UBAP2: variants seen among roughly 807,000 people sequenced by gnomAD.
UBAP2 encodes the protein ubiquitin-associated protein 2.
UBAP2 carries 75 observed loss-of-function variants against 139.6 expected under a neutral mutation model. The ratio of observed to expected loss-of-function variants is 0.54; its 90% CI spans 0.45 to 0.65. The LOEUF is 0.65. Ranked by LOEUF, UBAP2 falls within the 30% of genes least tolerant of loss-of-function variation. The pLI, the probability that UBAP2 is intolerant of heterozygous loss-of-function variation, is 0.00. For missense variants in UBAP2, 1,368 were observed against 1,369.6 expected, an observed-to-expected ratio of 1.00 and a Z score of 0.02; for synonymous variants, 526 against 526.2, an observed-to-expected ratio of 1.00 and a Z score of 0.01.
chr9:33,998,760 T>C, intron 3 of UBAP2, 27 bp downstream of exon 3: 2 of 1,578,704 alleles, frequency 1.3e-6, no homozygotes, highest in Non-Finnish European at 1.7e-6. Flanking sequence ...ATTATAAAAA[T>C]GATGATATCC....
chr9:34,034,716 T>C (rs1278012952), intron 1 of UBAP2, among the ~76,000 whole-genome samples: 1 of 151,792 alleles, frequency 6.6e-6, no homozygotes, highest in Non-Finnish European at 1.5e-5. Context: ...CTACTAAAAA[T>C]ACAAAAATTA....
chr9:34,028,954 A>C (rs535737454), intron 1 of UBAP2, among the ~76,000 whole-genome samples: 1 of 151,976 alleles, frequency 6.6e-6, no homozygotes, highest in Non-Finnish European at 1.5e-5. Flanking sequence ...CTATACAATA[A>C]ATTTTTTTTT....
rs1554679222 is a variant in UBAP2, at chr9:33,923,383, A to G, written c.2892T>C (p.Ser964=). Residue 964 remains serine (S), a synonymous_variant, in exon 25 of 29, where the codon AGT becomes AGC. Transcript: ENST00000379238. ...QASGYGQHGY[S]TGYDDLTQGT... ...TGTCTGGGAAGTACCCCTCACCTGT[A>G]CTGTAGCCGTGCTGGCCATAACCAC... The G allele has an allele frequency of 3.7e-6, 6 of 1,614,114 alleles. No individual in the cohort carries two copies. Among genetic ancestry groups the G allele is most frequent in the Non-Finnish European group, 5.1e-6 (6 of 1,179,996 alleles).
chr9:33,936,523 A>C (rs995997332), intron 16 of UBAP2, among the ~76,000 whole-genome samples: 1 of 151,950 alleles, frequency 6.6e-6, no homozygotes, highest in Non-Finnish European at 1.5e-5. Context: ...CAAACTCCTG[A>C]CCTCAAGTGA....
At chr9:33,959,690 T>G (rs1587565879) in intron 10 of UBAP2, among the ~76,000 whole-genome samples, 1 of 152,180 alleles carries the variant, frequency 6.6e-6, no homozygotes, top group Non-Finnish European at 1.5e-5. Context: ...CAAAAATATC[T>G]GTGCAATAAA....
At chr9:33,928,122 C>A (rs1464355507) in intron 19 of UBAP2, 130 bp from the exon 20 acceptor site, 2 of 948,682 alleles carry the variant, frequency 2.1e-6, no homozygotes, top group Non-Finnish European at 3.1e-6. Context: ...CACCCAGGCT[C>A]CCTTAAGGTG....
intron 8 of UBAP2, among the ~76,000 whole-genome samples, chr9:33,965,481 C>A (rs1413123052): frequency 1.3e-5 from 2 of 152,132 alleles, no homozygotes; most frequent in African/African-American, 4.8e-5. Context: ...TCTTTTATGA[C>A]TCAGGCTTAT....
intron 1 of UBAP2, among the ~76,000 whole-genome samples, chr9:34,026,748 G>A (rs1416415322): frequency 2.0e-5 from 3 of 152,282 alleles, no homozygotes; most frequent in South Asian, 2.1e-4. Context: ...CCATTTTACA[G>A]AGAGGAAACT....
intron 13 of UBAP2, among the ~76,000 whole-genome samples, chr9:33,944,889 C>T (rs1365042210): frequency 6.6e-6 from 1 of 152,046 alleles, no homozygotes; most frequent in Non-Finnish European, 1.5e-5. Context: ...CTCGTGAGAA[C>T]AATATTATGG....
intron 8 of UBAP2, among the ~76,000 whole-genome samples, chr9:33,969,734 C>T (rs1341298189): frequency 6.7e-6 from 1 of 149,454 alleles, no homozygotes; most frequent in East Asian, 2.0e-4. Flanking sequence ...GGCATAGTGC[C>T]GGACACCTGT....
chr9:34,001,658 C>G (rs1822712929), intron 2 of UBAP2, among the ~76,000 whole-genome samples: 1 of 152,142 alleles, frequency 6.6e-6, no homozygotes, highest in African/African-American at 2.4e-5. Context: ...TTCATATAAT[C>G]AATTTTCACA....
chr9:33,930,857 T>C (rs570713100), intron 19 of UBAP2, among the ~76,000 whole-genome samples: 43 of 137,442 alleles, frequency 3.1e-4, no homozygotes, highest in African/African-American at 1.0e-3. Context: ...GATTGCGCCA[T>C]TGCACTCCAG....
intron 6 of UBAP2, among the ~76,000 whole-genome samples, chr9:33,979,262 A>G (rs1339594226): frequency 6.6e-6 from 1 of 152,182 alleles, no homozygotes; most frequent in Non-Finnish European, 1.5e-5. Context: ...ATAGTTCACT[A>G]CCTTACTTGA....
At chr9:33,975,752 A>G (rs1469391310) in intron 6 of UBAP2, among the ~76,000 whole-genome samples, 1 of 151,368 alleles carries the variant, frequency 6.6e-6, no homozygotes, top group African/African-American at 2.4e-5. Context: ...CAGTGAGCCG[A>G]GATCACAACA....
intron 2 of UBAP2, among the ~76,000 whole-genome samples, chr9:34,009,101 T>C (rs1823513709): frequency 6.8e-6 from 1 of 147,678 alleles, no homozygotes; most frequent in Non-Finnish European, 1.5e-5. Context: ...TTTGGTGTTT[T>C]GTTTTGTTTT....
rs117505450 is a variant in UBAP2 at position 34,009,112 on chromosome 9, T to G, written c.99+7938A>C. On this transcript the variant is annotated intron_variant, in intron 2 of 28. Coordinates refer to ENST00000379238, the MANE Select transcript of UBAP2 (RefSeq NM_001370062.2). ...AAAATTTGGTGTTTTGTTTTGTTTT[T>G]TTTTTGAGACAGAATCTTGCTCTGT... 2.2e-3 allele frequency among the ~76,000 whole-genome samples: 338 copies of G among 152,096 alleles called. 1 individual carries two copies. In the East Asian group the frequency reaches 0.038, roughly 17 times the overall value.
intron 24 of UBAP2, 112 bp downstream of exon 24, chr9:33,923,673 GAAGACCAGGT>G: frequency 8.5e-7 from 1 of 1,169,624 alleles, no homozygotes; most frequent in South Asian, 1.3e-5. Context: ...AACAGTTTCT[GAAGACCAGGT>G]AAGACGGAGT....
At chr9:34,006,668 T>A (rs1823249388) in intron 2 of UBAP2, among the ~76,000 whole-genome samples, 1 of 151,598 alleles carries the variant, frequency 6.6e-6, no homozygotes, top group African/African-American at 2.4e-5. Context: ...GGTGACAAAG[T>A]GAGACCTTGT....
At chr9:33,987,526 T>C (rs1453852930) in intron 5 of UBAP2, among the ~76,000 whole-genome samples, 1 of 152,224 alleles carries the variant, frequency 6.6e-6, no homozygotes, top group Non-Finnish European at 1.5e-5. Flanking sequence ...GAGGATCACC[T>C]GAGCCCAGGG....
Sources: allele counts gnomAD v4.1 joint callset (sites outside exome capture counted in the v4.1 genomes callset), GRCh38; gene constraint gnomAD v4.1.1; transcripts MANE v1.5; gene names NCBI Gene and HGNC (gene_info 2026-07-23, HGNC 2026-07-21).